Variants in CDK14 observed in about 807,000 individuals in gnomAD.
CDK14 encodes the protein cyclin dependent kinase 14, also known as cyclin-dependent kinase 14.
In CDK14, 34 loss-of-function variants were observed where a neutral mutation model predicts 60.7. The ratio of observed to expected loss-of-function variants is 0.56; its 90% CI spans 0.43 to 0.75. The LOEUF is 0.75. Among genes scored for constraint, CDK14 ranks in the 30% least tolerant of loss-of-function variants. The pLI is 0.00. For missense variants in CDK14, 482 were observed against 564.1 expected (o/e 0.85, Z 1.47); for synonymous variants, 197 against 203.7 (o/e 0.97, Z 0.28).
intron 11 of CDK14, among the ~76,000 whole-genome samples, chr7:91,064,967 A>G (rs1797932649): frequency 6.6e-6 from 1 of 152,234 alleles, no homozygotes; most frequent in Non-Finnish European, 1.5e-5. Context: ...AGGTAGAGAA[A>G]GGTGTAGATG....
At chr7:91,112,371 G>A (rs1799489742) in intron 12 of CDK14, among the ~76,000 whole-genome samples, 171 bp from the exon 13 acceptor site, 1 of 152,114 alleles carries the variant, frequency 6.6e-6, no homozygotes, top group African/African-American at 2.4e-5. Context: ...TAAGTTTGAA[G>A]TAACAAATAC....
chr7:90,998,730 T>G (rs941901557), intron 10 of CDK14, among the ~76,000 whole-genome samples: 1 of 151,902 alleles, frequency 6.6e-6, no homozygotes, highest in African/African-American at 2.4e-5. Context: ...CTATTAAAAA[T>G]ACAAAAAAAT....
chr7:90,710,674 A>G (rs769731130), intron 2 of CDK14: 53 of 448,316 alleles, frequency 1.2e-4, no homozygotes, highest in Non-Finnish European at 3.5e-5. Flanking sequence ...ATAGTAGACT[A>G]TTAGCATTTT....
At chr7:90,678,044 T>C (rs953921555) in intron 2 of CDK14, among the ~76,000 whole-genome samples, 2 of 152,138 alleles carry the variant, frequency 1.3e-5, no homozygotes, top group African/African-American at 2.4e-5. Context: ...ATTTGTTTAG[T>C]TTGAATGATT....
intron 8 of CDK14, among the ~76,000 whole-genome samples, chr7:90,954,361 T>TTAAGTGC (rs1221639753): frequency 1.3e-5 from 2 of 152,174 alleles, no homozygotes; most frequent in Non-Finnish European, 2.9e-5. Context: ...TAAAAATGTT[T>TTAAGTGC]TAAGTGCTAT....
At chr7:90,833,827 A>G (rs556553568) in intron 5 of CDK14, among the ~76,000 whole-genome samples, 1 of 152,308 alleles carries the variant, frequency 6.6e-6, no homozygotes, top group Admixed American at 6.5e-5. Context: ...AGACCCAATC[A>G]TTTTGGTCAA....
intron 2 of CDK14, chr7:90,710,043 A>G: frequency 1.1e-6 from 1 of 898,100 alleles, no homozygotes; most frequent in Non-Finnish European, 1.3e-6. Flanking sequence ...CTCATTTACA[A>G]CTTAAAAAGG....
At chr7:91,110,542 A>G (rs754707009) in intron 12 of CDK14, among the ~76,000 whole-genome samples, 4 of 152,170 alleles carry the variant, frequency 2.6e-5, no homozygotes, top group Non-Finnish European at 4.4e-5. Flanking sequence ...CAAAAATAGT[A>G]TGTCTTGCTT....
At chr7:91,159,434 A>C (rs1207950142) in intron 14 of CDK14, among the ~76,000 whole-genome samples, 1 of 152,246 alleles carries the variant, frequency 6.6e-6, no homozygotes, top group Non-Finnish European at 1.5e-5. Flanking sequence ...CATTCTGTAG[A>C]TATGAATAAC....
chr7:91,147,216 A>G (rs1342500643), intron 14 of CDK14, among the ~76,000 whole-genome samples: 1 of 145,156 alleles, frequency 6.9e-6, no homozygotes, highest in African/African-American at 2.6e-5. Flanking sequence ...ACTTCTTCCC[A>G]TGGTTTTAGG....
chr7:91,061,860 A>G (rs984472666), intron 11 of CDK14, among the ~76,000 whole-genome samples: 2 of 152,310 alleles, frequency 1.3e-5, no homozygotes, highest in East Asian at 3.9e-4. Flanking sequence ...GACCCACTTG[A>G]GGAGGCAGTC....
At chr7:91,198,621 A>C (rs1802625027) in intron 14 of CDK14, among the ~76,000 whole-genome samples, 1 of 152,234 alleles carries the variant, frequency 6.6e-6, no homozygotes, top group African/African-American at 2.4e-5. Context: ...CCCATGAACC[A>C]ACATGACTTC....
intron 4 of CDK14, among the ~76,000 whole-genome samples, chr7:90,785,593 G>A (rs1283669835): frequency 6.6e-6 from 1 of 151,934 alleles, no homozygotes; most frequent in African/African-American, 2.4e-5. Flanking sequence ...AGACGATCCT[G>A]GCTAACACGG....
chr7:90,928,273 C>T (rs769856894), intron 8 of CDK14, among the ~76,000 whole-genome samples: 9 of 152,170 alleles, frequency 5.9e-5, no homozygotes, highest in East Asian at 1.9e-4. Context: ...CGATGAACTG[C>T]GTTCCTTTGG....
At chr7:90,731,162 G>A (rs1802850650) in intron 3 of CDK14, among the ~76,000 whole-genome samples, 1 of 152,286 alleles carries the variant, frequency 6.6e-6, no homozygotes, top group South Asian at 2.1e-4. Context: ...TCAGATGGTT[G>A]TAGATGTGTG....
intron 2 of CDK14, among the ~76,000 whole-genome samples, chr7:90,639,200 A>G (rs1008819784): frequency 6.6e-6 from 1 of 152,094 alleles, no homozygotes. Flanking sequence ...GGAGGAGGAG[A>G]GGTGCTCTGC....
In CDK14 at chr7:91,137,716, A is replaced by ATT. The variant is rs1562920548; in HGVS notation, c.*28+19509_*28+19510insTT. On this transcript the variant is annotated intron_variant, in intron 14 of 14. Coordinates refer to ENST00000380050, the MANE Select transcript of CDK14 (RefSeq NM_001287135.2). Reference sequence around the variant, plus strand: ...GGGGTGTGTGTGTGTGTGTGTGTGTATGTGTGTGTGTGTGTGTTTAATTGG... The same window carrying ATT: ...GGGGTGTGTGTGTGTGTGTGTGTGTATTTGTGTGTGTGTGTGTGTTTAATTGG... Among the ~76,000 whole-genome samples, 23 of 130,702 alleles carry ATT rather than the reference A, an allele frequency of 1.8e-4. 1 individual carries two copies. In the Middle Eastern group the frequency reaches 0.012, roughly 66 times the overall value. 85.7% of individuals were successfully genotyped at this position (130,702 alleles called of 152,430 possible). A position where few individuals can be genotyped will look rare whatever the true frequency, so the allele number is the denominator to read the frequency against.
At chr7:90,805,419 A>G (rs1285318294) in intron 5 of CDK14, among the ~76,000 whole-genome samples, 1 of 131,658 alleles carries the variant, frequency 7.6e-6, no homozygotes, top group African/African-American at 2.8e-5. Context: ...AACTTTGAAT[A>G]GAAAGGAATT....
intron 2 of CDK14, among the ~76,000 whole-genome samples, chr7:90,724,410 GTTTTCTA>G (rs1802558694): frequency 6.7e-6 from 1 of 149,606 alleles, no homozygotes; most frequent in African/African-American, 2.5e-5. Context: ...ATTGTTTTCT[GTTTTCTA>G]TTTTATTTAT....
Sources: allele counts gnomAD v4.1 joint callset (sites outside exome capture counted in the v4.1 genomes callset), GRCh38; gene constraint gnomAD v4.1.1; transcripts MANE v1.5; gene names NCBI Gene and HGNC (gene_info 2026-07-23, HGNC 2026-07-21).